FAT1: variants seen among roughly 807,000 people sequenced by gnomAD.
FAT1 encodes FAT atypical cadherin 1, also known as protocadherin Fat 1.
In FAT1, 171 loss-of-function variants were observed where a neutral mutation model predicts 329.8. That is an observed-to-expected ratio of 0.52 (90% CI 0.46 to 0.59). The LOEUF (loss-of-function observed/expected upper bound fraction) is 0.59, where lower values mean the gene tolerates loss of function less well. FAT1 is among the 20% of genes least tolerant of loss of function. The probability of loss-of-function intolerance (pLI) is 0.00; values close to 1 mark genes in which losing one functional copy is unlikely to be tolerated. For missense variants in FAT1, 5,672 were observed against 5,774.4 expected (o/e 0.98, Z 0.57); for synonymous variants, 2,233 against 2,228.6 (o/e 1.00, Z -0.06).
At chr4:186,725,678 C>T (rs1745695657), upstream of FAT1, among the ~76,000 whole-genome samples, 1 of 152,108 alleles carries the variant, frequency 6.6e-6, no homozygotes, top group Non-Finnish European at 1.5e-5. The surrounding 1 kb of genome is among the most constrained non-coding windows in gnomAD (Gnocchi z 5.4). Context: ...TTAGCTACCA[C>T]AAATCGAATT....
chr4:186,620,944 T>C lies in FAT1; in HGVS notation c.5642A>G (p.Lys1881Arg), dbSNP rs753821739. Residue 1881 changes from lysine (K) to arginine (R), a missense_variant, in exon 10 of 27, where the codon AAG becomes AGG. Transcript: ENST00000441802. The stretch of plus-strand genomic sequence containing the variant: ...CAAAAGAGATGCTTCATATAATGGC[T>C]TGGCAAACACAGGGGGGCAGTCATT... ...DINDCPPVFA[K>R]PLYEASLLLP... 6 of 1,614,010 alleles carry C rather than the reference T, an allele frequency of 3.7e-6. No homozygotes were observed. Among genetic ancestry groups the C allele is most frequent in the Non-Finnish European group, 5.1e-6 (6 of 1,179,900 alleles).
Position 186,604,567 on chromosome 4 carries a change from T to G in FAT1, c.10358A>C (p.Lys3453Thr), listed in dbSNP as rs2126440296. ...GNYSVIIQEN[K>T]PVGFSVLQLV... is the part of the protein sequence containing the mutation. The stretch of plus-strand genomic sequence containing the variant: ...CTGCAGCACGCTGAAGCCCACTGGC[T>G]TATTTTCCTGCACAAGATTAGAAAC... The change falls in exon 18 of 27, where the codon AAG (lysine) becomes ACG (threonine). Residue 3453 changes from lysine to threonine, a missense_variant. By Grantham distance (78) the Lys-to-Thr change is moderately conservative. Transcript: ENST00000441802. 6.2e-7 allele frequency: 1 copy of G among 1,606,338 alleles called. No homozygotes were observed. Among genetic ancestry groups the G allele is most frequent in the East Asian group, 2.2e-5 (1 of 44,814 alleles).
intron 1 of FAT1, among the ~76,000 whole-genome samples, chr4:186,722,133 C>T (rs569047352): frequency 2.0e-5 from 3 of 152,216 alleles, no homozygotes; most frequent in African/African-American, 7.2e-5. Context: ...GCACTACGCC[C>T]GGCCATAATT....
intron 9 of FAT1, among the ~76,000 whole-genome samples, chr4:186,627,523 T>C (rs1284218064): frequency 6.6e-6 from 1 of 151,018 alleles, no homozygotes; most frequent in Non-Finnish European, 1.5e-5. Context: ...CAGCTCCAGC[T>C]GTTTTTTTTG....
At position 186,702,646 on chromosome 4, in the gene FAT1, C is replaced by T. The variant is rs535129437; in HGVS notation, c.3265+3917G>A. Among the ~76,000 whole-genome samples, 4 of 152,330 alleles carry T rather than the reference C, an allele frequency of 2.6e-5. No individual in the cohort carries two copies. The East Asian group carries it at 7.7e-4, about 29-fold the overall frequency. Reference sequence around the variant, plus strand: ...CTTAGTTTTAAAAATGAACAAAAAGCTGCAGCATTTCATTGGTGCTCAAGT... The same window carrying T: ...CTTAGTTTTAAAAATGAACAAAAAGTTGCAGCATTTCATTGGTGCTCAAGT... On this transcript the variant is annotated intron_variant, in intron 2 of 26. Coordinates refer to ENST00000441802, the MANE Select transcript of FAT1 (RefSeq NM_005245.4).
rs2126424232 is a variant in FAT1, at chr4:186,603,162, C to T, written c.11350+14G>A. ...CATCTGTGACACCGACTTTCATACA[C>T]TCATGTGCAGTACCTTTGCAGAGAC... On this transcript the variant is annotated intron_variant, in intron 19 of 26. Coordinates refer to ENST00000441802, the MANE Select transcript of FAT1 (RefSeq NM_005245.4). 3 of 1,613,248 alleles carry T rather than the reference C, an allele frequency of 1.9e-6. No homozygotes were observed. Among genetic ancestry groups the T allele is most frequent in the Middle Eastern group, 1.7e-4 (1 of 6,058 alleles).
rs757594196 is a variant in FAT1 at position 186,628,269 on chromosome 4, G to C, written c.4695C>G (p.Ser1565=). 1.9e-6 allele frequency: 3 copies of C among 1,613,884 alleles called. No homozygotes were observed. Among genetic ancestry groups the C allele is most frequent in the Non-Finnish European group, 8.5e-7 (1 of 1,179,852 alleles). ...TNDHAPWFTA[S]SYKGRVYESA... is the part of the protein sequence containing the mutation. ...ATTCATAAACCCGCCCTTTGTAGGA[G>C]GAAGCGGTGAACCACGGGGCGTGGT... The change falls in exon 9 of 27, where the codon TCC becomes TCG. Residue 1565 remains serine (S), a synonymous_variant. Transcript: ENST00000441802.
intron 2 of FAT1, among the ~76,000 whole-genome samples, chr4:186,679,691 T>C (rs183387478): frequency 2.0e-5 from 3 of 152,196 alleles, no homozygotes; most frequent in Admixed American, 2.0e-4. Context: ...ATCAGATATA[T>C]GGGTTCAAAA....
chr4:186,680,357 C>T (rs953091971), intron 2 of FAT1, among the ~76,000 whole-genome samples: 3 of 152,174 alleles, frequency 2.0e-5, no homozygotes, highest in Non-Finnish European at 4.4e-5. Context: ...TAGCATATAA[C>T]ACAAACATGA....
chr4:186,689,143 C>A (rs1196228996), intron 2 of FAT1, among the ~76,000 whole-genome samples: 1 of 152,228 alleles, frequency 6.6e-6, no homozygotes, highest in East Asian at 1.9e-4. Flanking sequence ...TTTCACTTCA[C>A]TTGGAAATGA....
chr4:186,667,672 G>A (rs1468638582), intron 2 of FAT1, among the ~76,000 whole-genome samples: 1 of 152,144 alleles, frequency 6.6e-6, no homozygotes, highest in Non-Finnish European at 1.5e-5. Flanking sequence ...GATCCCTCAT[G>A]TCCACCAATC....
chr4:186,710,441 A>G (rs776937117), intron 1 of FAT1, among the ~76,000 whole-genome samples: 1 of 152,238 alleles, frequency 6.6e-6, no homozygotes, highest in Non-Finnish European at 1.5e-5. Context: ...CACTCCCTAC[A>G]TAATGTAAGG....
chr4:186,638,569 G>C (rs1740944103), intron 4 of FAT1, among the ~76,000 whole-genome samples: 1 of 151,868 alleles, frequency 6.6e-6, no homozygotes, highest in African/African-American at 2.4e-5. Flanking sequence ...GGAAAGCACT[G>C]TGGCTGTGAA....
chr4:186,708,079 G>C lies in FAT1; in HGVS notation c.1749C>G (p.Gly583=), dbSNP rs777772638. 6.2e-7 allele frequency: 1 copy of C among 1,613,860 alleles called. No homozygotes were observed. The highest frequency in any genetic ancestry group is 8.5e-7 in the Non-Finnish European group (1 of 1,179,868). Residue 583 remains glycine (G), a synonymous_variant, in exon 2 of 27, where the codon GGC becomes GGG. Coordinates refer to ENST00000441802, the MANE Select transcript of FAT1 (RefSeq NM_005245.4). The stretch of plus-strand genomic sequence containing the variant: ...AAACAGTGGTTATTTGCTCTCCCAC[G>C]CCTAGATCTCTGGGAATTGTCCCTT... The part of the protein sequence containing the change: ...NCEGTIPRDL[G]VGEQITTVSA...
rs755943725 is a variant in FAT1, at chr4:186,621,714, T to A, written c.4872A>T (p.Glu1624Asp). 6.2e-7 allele frequency: 1 copy of A among 1,613,044 alleles called. No individual in the cohort carries two copies. The highest frequency in any genetic ancestry group is 1.1e-5 in the South Asian group (1 of 90,806). ...ACTCCGCTTGGTTACTTCGATCTAATTCTTTGGCAGTTTTAATAGAGCCCA... is the reference window on the plus strand; with the variant it reads ...ACTCCGCTTGGTTACTTCGATCTAAATCTTTGGCAGTTTTAATAGAGCCCA... ...PVLGSIKTAK[E>D]LDRSNQAEYD... Residue 1624 changes from glutamate (E) to aspartate (D), a missense_variant, in exon 10 of 27, where the codon GAA becomes GAT. Transcript: ENST00000441802.
Position 186,611,777 on chromosome 4 carries a change from TATG to T in FAT1, c.9464-5_9464-3del, listed in dbSNP as rs1205540349. On this transcript the variant is annotated splice_region_variant and splice_polypyrimidine_tract_variant and intron_variant, in intron 13 of 26. Transcript: ENST00000441802. ...AGTATAAAATCTTCCGATTTAATCC[TATG>T]AAGACATAAAAACATGTCAAAAGAT... The T allele has an allele frequency of 6.5e-7, 1 of 1,538,860 alleles. No individual in the cohort carries two copies. Among genetic ancestry groups the T allele is most frequent in the Admixed American group, 2.2e-5 (1 of 45,526 alleles).
intron 17 of FAT1, among the ~76,000 whole-genome samples, chr4:186,605,362 G>A (rs866561739): frequency 2.8e-5 from 4 of 141,982 alleles, no homozygotes; most frequent in African/African-American, 5.3e-5. Context: ...GAGTGGCGAC[G>A]AGGTGGAGGG....
intron 11 of FAT1, among the ~76,000 whole-genome samples, chr4:186,616,279 A>G (rs991090261): frequency 2.0e-5 from 3 of 152,008 alleles, no homozygotes; most frequent in Non-Finnish European, 4.4e-5. Flanking sequence ...CCTTGGAACG[A>G]CCGCCACTGC....
In FAT1 at chr4:186,618,986, C is replaced by T. The variant is rs759889839; in HGVS notation, c.7600G>A (p.Asp2534Asn). 6.2e-7 allele frequency: 1 copy of T among 1,614,022 alleles called. No homozygotes were observed. The highest frequency in any genetic ancestry group is 1.1e-5 in the South Asian group (1 of 91,080). The change falls in exon 10 of 27, where the codon GAC (aspartate) becomes AAC (asparagine). Residue 2534 changes from aspartate (D) to asparagine (N), a missense_variant. Asp to Asn is a conservative substitution (Grantham distance 23, BLOSUM62 1). Transcript: ENST00000441802. ...ATGTAAAATCTGTCTTTGGCAAAGTCATTTACAATATGGTAAGTAACGTGA... is the reference window on the plus strand; with the variant it reads ...ATGTAAAATCTGTCTTTGGCAAAGTTATTTACAATATGGTAAGTAACGTGA... ...YGHVTYHIVN[D>N]FAKDRFYINE...
Sources: allele counts gnomAD v4.1 joint callset (sites outside exome capture counted in the v4.1 genomes callset), GRCh38; gene constraint gnomAD v4.1.1; non-coding constraint Gnocchi (gnomAD v3.1); transcripts MANE v1.5; gene names NCBI Gene and HGNC (gene_info 2026-07-23, HGNC 2026-07-21).